The following BET1 variants were observed in gnomAD, a reference collection of about 807,000 sequenced individuals.
The protein encoded by BET1 is Bet1 golgi vesicular membrane trafficking protein.
Under a neutral mutation model 13.9 loss-of-function variants are expected in BET1, and 9 were observed. That is an observed-to-expected ratio of 0.65 (90% CI 0.39 to 1.13). The LOEUF is 1.13. Ranked by LOEUF, BET1 falls within the 50% of genes most tolerant of loss-of-function variation. The pLI is 0.01. For synonymous variants in BET1, 39 were observed against 47.3 expected, an observed-to-expected ratio of 0.82 and a Z score of 0.72; for missense variants, 127 against 133.6, an observed-to-expected ratio of 0.95 and a Z score of 0.24.
chr7:93,992,482 AC>A, downstream of BET1: 1 of 985,060 alleles, frequency 1.0e-6, no homozygotes. Context: ...CCCGTTTTTC[AC>A]AACTTTAATT....
At chr7:93,981,222 C>T (rs553983123) in intron 4 of BET1, among the ~76,000 whole-genome samples, 16 of 152,234 alleles carry the variant, frequency 1.1e-4, no homozygotes, top group African/African-American at 3.9e-4. Context: ...CCTGGTCTGC[C>T]CAGGATTTTC....
chr7:93,994,692 C>G (rs973855277), intron 3 of BET1, among the ~76,000 whole-genome samples: 8 of 152,152 alleles, frequency 5.3e-5, no homozygotes, highest in Admixed American at 5.2e-4. Context: ...AAAAAATTAA[C>G]AATAAATGTA....
At position 93,999,239 on chromosome 7, in the gene BET1, A is replaced by G. The variant is rs1795840699; in HGVS notation, c.75T>C (p.Tyr25=). 6.2e-7 allele frequency: 1 copy of G among 1,613,552 alleles called. No individual in the cohort carries two copies. Among genetic ancestry groups the G allele is most frequent in the African/African-American group, 1.3e-5 (1 of 75,050 alleles). Residue 25 remains tyrosine, a synonymous_variant, in exon 2 of 4, where the codon TAT becomes TAC. Transcript: ENST00000222547. ...TCTCATTTTCTTCTTCACAGGCACT[A>G]TACCCACTATTAGCATAGCCATAGT... is the stretch of plus-strand genomic sequence containing the variant. ...YGNYGYANSG[Y]SACEEENERL...
intron 5 of BET1, among the ~76,000 whole-genome samples, chr7:93,975,733 C>T (rs77630603): frequency 0.027 from 4,103 of 151,930 alleles, 180 homozygotes; most frequent in African/African-American, 0.094. Flanking sequence ...TTTTGAAAGC[C>T]GAGATGATCC....
intron 4 of BET1, among the ~76,000 whole-genome samples, chr7:93,987,865 T>C (rs778838954): frequency 6.6e-6 from 1 of 152,198 alleles, no homozygotes; most frequent in Non-Finnish European, 1.5e-5. Flanking sequence ...CCTGTAGACA[T>C]GGCATTCAAT....
At chr7:93,971,018 T>C (rs540335666) in intron 6 of BET1, among the ~76,000 whole-genome samples, 1 of 151,872 alleles carries the variant, frequency 6.6e-6, no homozygotes, top group African/African-American at 2.4e-5. Flanking sequence ...TTACTTATAA[T>C]AGCAAGTACT....
chr7:93,995,384 C>A lies in BET1; in HGVS notation c.201+881G>T, dbSNP rs578158083. 1.3e-4 allele frequency among the ~76,000 whole-genome samples: 20 copies of A among 152,186 alleles called. No homozygotes were observed. The South Asian group carries it at 3.1e-3, about 24-fold the overall frequency. On this transcript the variant is annotated intron_variant, in intron 3 of 3. Coordinates refer to ENST00000222547, the MANE Select transcript of BET1 (RefSeq NM_005868.6). ...ATTATAATATCCTGAGATGTAAAAGCCCTGGCATAATAATAAATATCCTTT... is the reference window on the plus strand; with the variant it reads ...ATTATAATATCCTGAGATGTAAAAGACCTGGCATAATAATAAATATCCTTT...
chr7:93,982,631 G>T (rs1359015297), intron 4 of BET1, among the ~76,000 whole-genome samples: 1 of 152,040 alleles, frequency 6.6e-6, no homozygotes, highest in East Asian at 1.9e-4. Flanking sequence ...CCTTCTTCTT[G>T]TAAGGACATT....
At chr7:93,982,253 T>A (rs1393910999) in intron 4 of BET1, among the ~76,000 whole-genome samples, 2 of 152,178 alleles carry the variant, frequency 1.3e-5, no homozygotes, top group African/African-American at 4.8e-5. Flanking sequence ...TGAAGCTCAT[T>A]GTACTATGTG....
Position 93,993,962 on chromosome 7 carries a change from G to A in BET1, c.*268C>T. 1 of 1,532,642 alleles carries A rather than the reference G, an allele frequency of 6.5e-7. No individual in the cohort carries two copies. The highest frequency in any genetic ancestry group is 2.0e-5 in the Admixed American group (1 of 50,418). 94.9% of individuals were successfully genotyped at this position (1,532,642 alleles called of 1,614,324 possible). A position where few individuals can be genotyped will look rare whatever the true frequency, so the allele number is the denominator to read the frequency against. ...TATAATGCTATTTAATCTGACAGTT[G>A]GCAAACAATAGAAAAACAAACTGGA... On this transcript the variant is annotated 3_prime_UTR_variant, in exon 4 of 4. Coordinates refer to ENST00000222547, the MANE Select transcript of BET1 (RefSeq NM_005868.6).
intron 4 of BET1, among the ~76,000 whole-genome samples, chr7:93,983,307 C>T (rs1000602234): frequency 6.6e-6 from 1 of 152,160 alleles, no homozygotes; most frequent in East Asian, 1.9e-4. Context: ...TTTCTTCATG[C>T]CATGACAAGA....
At chr7:93,992,194 G>T (rs897489189), downstream of BET1, 6 of 985,096 alleles carry the variant, frequency 6.1e-6, no homozygotes, top group South Asian at 2.8e-4. Flanking sequence ...ATAGTACTTA[G>T]AAATAAAAAT....
chr7:93,975,150 A>C (rs1387440460), intron 5 of BET1, among the ~76,000 whole-genome samples: 1 of 152,080 alleles, frequency 6.6e-6, no homozygotes, highest in Non-Finnish European at 1.5e-5. Context: ...ACTAAATGAG[A>C]TGTGAGATCC....
At chr7:93,963,670 C>A (rs568951123) in exon 7 of BET1, 1 of 151,796 alleles carries the variant, frequency 6.6e-6, no homozygotes, top group African/African-American at 2.4e-5. Context: ...TTTAAGTTCC[C>A]GTCTGAATGG....
At chr7:93,979,244 G>T (rs970383459) in intron 4 of BET1, among the ~76,000 whole-genome samples, 1 of 152,114 alleles carries the variant, frequency 6.6e-6, no homozygotes, top group Non-Finnish European at 1.5e-5. Context: ...AGGAAGGATT[G>T]TCTGGATGCT....
chr7:93,994,282 A>T lies in BET1; in HGVS notation c.305T>A (p.Leu102Gln), dbSNP rs1157567720. Residue 102 changes from leucine (L) to glutamine (Q), a missense_variant, in exon 4 of 4, where the codon CTG becomes CAG. Coordinates refer to ENST00000222547, the MANE Select transcript of BET1 (RefSeq NM_005868.6). ...GATAAAAAAGACAAATAAAGAAAAC[A>T]GCATCATATAGCACAGCAGCTTTGT... ...SQTKLLCYMMLFSLFVFFIIY... is the reference protein window; with the variant it reads ...SQTKLLCYMMQFSLFVFFIIY... 6.2e-7 allele frequency: 1 copy of T among 1,612,336 alleles called. No individual in the cohort carries two copies. The highest frequency in any genetic ancestry group is 2.2e-5 in the East Asian group (1 of 44,830).
At chr7:93,968,412 T>C (rs1179588391) in intron 6 of BET1, 1 of 151,842 alleles carries the variant, frequency 6.6e-6, no homozygotes, top group East Asian at 1.9e-4. Flanking sequence ...CATTAAGTCA[T>C]TTGACATTCT....
intron 4 of BET1, among the ~76,000 whole-genome samples, chr7:93,978,329 A>C (rs551968452): frequency 2.9e-4 from 44 of 152,144 alleles, no homozygotes; most frequent in Non-Finnish European, 5.0e-4. Flanking sequence ...TTGGCCTCCC[A>C]AAGTGCTGGC....
chr7:94,001,291 A>C (rs757416816), intron 1 of BET1, among the ~76,000 whole-genome samples: 6 of 152,216 alleles, frequency 3.9e-5, no homozygotes, highest in Admixed American at 6.5e-5. Flanking sequence ...TGAATACATG[A>C]TGTGAACTAA....
Sources: allele counts gnomAD v4.1 joint callset (sites outside exome capture counted in the v4.1 genomes callset), GRCh38; gene constraint gnomAD v4.1.1; transcripts MANE v1.5; gene names NCBI Gene and HGNC (gene_info 2026-07-23, HGNC 2026-07-21).